The following SLC44A3 variants were observed in gnomAD, a reference collection of about 807,000 sequenced individuals.
The protein encoded by SLC44A3 is choline transporter-like protein 3.
SLC44A3 carries 74 observed loss-of-function variants against 75.4 expected under a neutral mutation model. That is an observed-to-expected ratio of 0.98 (90% CI 0.81 to 1.19). SLC44A3 has a LOEUF of 1.19. Ranked by LOEUF, SLC44A3 falls within the 50% of genes most tolerant of loss-of-function variation. The pLI is 0.00. For synonymous variants in SLC44A3, 310 were observed against 296.9 expected (o/e 1.04, Z -0.45); for missense variants, 700 against 778.6 (o/e 0.90, Z 1.20).
intron 8 of SLC44A3, among the ~76,000 whole-genome samples, chr1:94,843,755 C>A (rs1420287813): frequency 2.6e-5 from 4 of 151,790 alleles, no homozygotes; most frequent in East Asian, 1.9e-4. Context: ...TAGGTTTGAT[C>A]TTTCTCCAGA....
intron 3 of SLC44A3, among the ~76,000 whole-genome samples, 200 bp downstream of exon 3, chr1:94,824,835 T>G (rs996578316): frequency 6.6e-6 from 1 of 152,218 alleles, no homozygotes; most frequent in Non-Finnish European, 1.5e-5. Flanking sequence ...CCCATGCTAC[T>G]TTTCAGCTGT....
intron 9 of SLC44A3, among the ~76,000 whole-genome samples, chr1:94,846,114 T>G (rs1664368531): frequency 1.4e-5 from 2 of 141,594 alleles, no homozygotes. Flanking sequence ...GCCACTGCAC[T>G]CCAGCCTGGG....
At chr1:94,848,103 C>T (rs1393206170) in intron 9 of SLC44A3, among the ~76,000 whole-genome samples, 1 of 152,088 alleles carries the variant, frequency 6.6e-6, no homozygotes, top group Admixed American at 6.6e-5. Context: ...GTGGCGGGCG[C>T]CTATAGTCCC....
intron 3 of SLC44A3, among the ~76,000 whole-genome samples, chr1:94,825,342 T>C (rs939393825): frequency 7.2e-5 from 11 of 152,222 alleles, no homozygotes; most frequent in Admixed American, 7.2e-4. Flanking sequence ...TTATTTTTTA[T>C]TTTTTTGAGA....
chr1:94,866,928 ATTAT>A (rs1667226720), intron 11 of SLC44A3, among the ~76,000 whole-genome samples: 2 of 151,772 alleles, frequency 1.3e-5, no homozygotes, highest in Admixed American at 1.3e-4. Context: ...CCTACAGTGT[ATTAT>A]TTGTTTTTTT....
chr1:94,874,620 A>G (rs1399363248), intron 12 of SLC44A3, among the ~76,000 whole-genome samples: 1 of 152,240 alleles, frequency 6.6e-6, no homozygotes, highest in East Asian at 1.9e-4. Flanking sequence ...GGTCAGTGCA[A>G]ATGACTTCGA....
intron 10 of SLC44A3, 99 bp downstream of exon 10, chr1:94,857,599 C>A: frequency 8.0e-7 from 1 of 1,256,276 alleles, no homozygotes; most frequent in Non-Finnish European, 1.1e-6. Context: ...TGACCTAGCC[C>A]CTTAAAAGAA....
chr1:94,889,152 AC>A (rs1179333522), intron 12 of SLC44A3: 1 of 151,904 alleles, frequency 6.6e-6, no homozygotes, highest in East Asian at 1.9e-4. Flanking sequence ...TGCTCCCTTA[AC>A]CCTATGCTTG....
chr1:94,862,343 A>G (rs1266024578), intron 10 of SLC44A3, among the ~76,000 whole-genome samples: 2 of 152,206 alleles, frequency 1.3e-5, no homozygotes, highest in African/African-American at 4.8e-5. Context: ...GTTTTTAGTG[A>G]GCACGAGGCT....
In SLC44A3 at chr1:94,845,381, T is replaced by C; in HGVS notation, c.989T>C (p.Leu330Pro). Reference sequence around the variant, plus strand: ...GCCATCAGCAGTGCTCCCTTCCTGCTGTTCCAGCCACTGTGGACATTTGCC... The same window carrying C: ...GCCATCAGCAGTGCTCCCTTCCTGCCGTTCCAGCCACTGTGGACATTTGCC... ...NKAISSAPFL[L>P]FQPLWTFAIL... Residue 330 changes from leucine (L) to proline (P), a missense_variant, in exon 9 of 15, where the codon CTG becomes CCG. Coordinates refer to ENST00000271227, the MANE Select transcript of SLC44A3 (RefSeq NM_001114106.3). The C allele has an allele frequency of 6.2e-7, 1 of 1,614,202 alleles. No individual in the cohort carries two copies. The highest frequency in any genetic ancestry group is 1.1e-5 in the South Asian group (1 of 91,084).
intron 13 of SLC44A3, 23 bp from the exon 14 acceptor site, chr1:94,892,258 C>G (rs1313831025): frequency 6.3e-7 from 1 of 1,594,586 alleles, no homozygotes; most frequent in Non-Finnish European, 8.6e-7. Flanking sequence ...TAAAGATTTT[C>G]AACAAACTCT....
chr1:94,866,554 T>C (rs945939725), intron 11 of SLC44A3, among the ~76,000 whole-genome samples: 2 of 152,198 alleles, frequency 1.3e-5, no homozygotes, highest in Admixed American at 6.5e-5. Flanking sequence ...CCTAGTTAAA[T>C]AGGCTCATTC....
intron 11 of SLC44A3, among the ~76,000 whole-genome samples, chr1:94,866,883 C>T (rs1208869158): frequency 6.6e-6 from 1 of 152,070 alleles, no homozygotes; most frequent in East Asian, 1.9e-4. Flanking sequence ...CAGAGTTAAA[C>T]TTGATTCTTT....
chr1:94,863,526 G>A (rs859100), intron 10 of SLC44A3, among the ~76,000 whole-genome samples: 142,598 of 152,058 alleles, frequency 0.94, 67,489 homozygotes, highest in East Asian at 1. Context: ...AAAAGTAAAC[G>A]TTCTTCCTTA....
chr1:94,864,864 A>AT lies in SLC44A3; in HGVS notation c.1362dup (p.Val455CysfsTer32). On this transcript the variant is annotated frameshift_variant, in exon 11 of 15. Coordinates refer to ENST00000271227, the MANE Select transcript of SLC44A3 (RefSeq NM_001114106.3). LOFTEE classifies it high-confidence loss of function. ...CTCTGTGGTGAGGATTCCGAGAATC[A>AT]TTGTCATGTACATGCAAAACGCACT... is the stretch of plus-strand genomic sequence containing the variant. 6.2e-7 allele frequency: 1 copy of AT among 1,614,044 alleles called. No individual in the cohort carries two copies. The highest frequency in any genetic ancestry group is 8.5e-7 in the Non-Finnish European group (1 of 1,179,936).
intron 2 of SLC44A3, among the ~76,000 whole-genome samples, chr1:94,824,069 A>G (rs1660966106): frequency 6.6e-6 from 1 of 152,186 alleles, no homozygotes; most frequent in South Asian, 2.1e-4. Context: ...AAAAGTAAGA[A>G]AAGAAAAACA....
At chr1:94,859,272 A>G (rs1419691428) in intron 10 of SLC44A3, among the ~76,000 whole-genome samples, 1 of 152,212 alleles carries the variant, frequency 6.6e-6, no homozygotes, top group African/African-American at 2.4e-5. Flanking sequence ...AGTGAAGCAT[A>G]TGCATTTATC....
At chr1:94,835,186 A>G (rs1457200655) in intron 5 of SLC44A3, among the ~76,000 whole-genome samples, 2 of 152,332 alleles carry the variant, frequency 1.3e-5, no homozygotes, top group African/African-American at 4.8e-5. Flanking sequence ...ACAGTGGCTC[A>G]CACCTGTAAT....
chr1:94,889,975 C>T (rs926133559), intron 12 of SLC44A3, among the ~76,000 whole-genome samples: 2 of 152,030 alleles, frequency 1.3e-5, no homozygotes, highest in East Asian at 1.9e-4. Flanking sequence ...CTCAACCTCC[C>T]GAGTAGCTGG....
Sources: allele counts gnomAD v4.1 joint callset (sites outside exome capture counted in the v4.1 genomes callset), GRCh38; gene constraint gnomAD v4.1.1; transcripts MANE v1.5; gene names NCBI Gene and HGNC (gene_info 2026-07-23, HGNC 2026-07-21).